Variants in NOS1 observed in about 807,000 individuals in gnomAD.
NOS1 encodes the protein NOS type I.
A neutral mutation model predicts 164.5 loss-of-function variants in NOS1; 51 were observed. The ratio of observed to expected loss-of-function variants is 0.31; its 90% CI spans 0.25 to 0.39. The LOEUF (loss-of-function observed/expected upper bound fraction) is 0.39, where lower values mean the gene tolerates loss of function less well. Among genes scored for constraint, NOS1 ranks in the 10% least tolerant of loss-of-function variants. The probability of loss-of-function intolerance (pLI) is 1.00; values close to 1 mark genes in which losing one functional copy is unlikely to be tolerated. For synonymous variants in NOS1, 719 were observed against 745.8 expected (o/e 0.96, Z 0.59); for missense variants, 1,362 against 1,885.6 (o/e 0.72, Z 5.14).
chr12:117,253,729 C>A lies in NOS1; in HGVS notation c.2557G>T (p.Val853Phe), dbSNP rs1351531249. ...TTTTGGGAGTCAGAGTAGGAGGAGA[C>A]GCTGTTGAATCGGACCTTGTAGCTC... ...RKSYKVRFNS[V>F]SSYSDSQKSS... The change falls in exon 17 of 29, where the codon GTC (valine) becomes TTC (phenylalanine). Residue 853 changes from valine (V) to phenylalanine (F), a missense_variant. Physicochemically the swap from Val to Phe is conservative, Grantham distance 50 (BLOSUM62 -1). Around this residue, in one of 4 missense-constraint regions of NOS1, gnomAD observed 737 missense variants for 1,030.3 expected, o/e 0.72. Transcript: ENST00000317775. 6.2e-7 allele frequency: 1 copy of A among 1,614,012 alleles called. No homozygotes were observed. The highest frequency in any genetic ancestry group is 8.5e-7 in the Non-Finnish European group (1 of 1,179,958).
rs1261986889 is a variant in NOS1 at position 117,209,711 on chromosome 12, A to G, written c.*5598T>C. On this transcript the variant is annotated 3_prime_UTR_variant, in exon 29 of 29. Coordinates refer to ENST00000317775, the MANE Select transcript of NOS1 (RefSeq NM_000620.5). ...AATAGGAAACAGACTCTCGACAGAC[A>G]CTGCTTTCCACGGGTGAAAGTGTAC... The G allele has an allele frequency of 2.0e-6, 2 of 985,494 alleles. No individual in the cohort carries two copies. Among genetic ancestry groups the G allele is most frequent in the African/African-American group, 3.5e-5 (2 of 57,382 alleles). The allele number at this position is 985,494 out of a possible 1,614,324, so 61.0% of individuals were successfully genotyped here.
chr12:117,326,385 CAAAAAAAAAA>C (rs746345561), intron 2 of NOS1, among the ~76,000 whole-genome samples: 110 of 25,908 alleles, frequency 4.2e-3, no homozygotes, highest in African/African-American at 0.023. Context: ...GACTCTGTCT[CAAAAAAAAAA>C]AAAAAACAAA....
At chr12:117,327,384 A>T (rs1520810) in intron 2 of NOS1, among the ~76,000 whole-genome samples, 113,876 of 152,068 alleles carry the variant, frequency 0.75, 43,388 homozygotes, top group South Asian at 0.82. Context: ...TCCGTTCTGG[A>T]TCCTACAGCT....
chr12:117,292,787 G>A (rs1354618423), intron 3 of NOS1, among the ~76,000 whole-genome samples: 2 of 152,170 alleles, frequency 1.3e-5, no homozygotes, highest in African/African-American at 4.8e-5. Flanking sequence ...CTATGTGCCA[G>A]GTGAGGCAGC....
chr12:117,243,479 G>C lies in NOS1; in HGVS notation c.2824-44C>G. On this transcript the variant is annotated intron_variant, in intron 18 of 28. Transcript: ENST00000317775. This position sits in a 1 kb window ranked among gnomAD's most constrained non-coding sequence, Gnocchi z 4.3. ...TTTCAGTGACCTCTTTCAGCCAAGC[G>C]GATCTCCTCTCCAACAGCTCCAAGT... 2 of 1,605,810 alleles carry C rather than the reference G, an allele frequency of 1.2e-6. No individual in the cohort carries two copies. Among genetic ancestry groups the C allele is most frequent in the Non-Finnish European group, 1.7e-6 (2 of 1,175,278 alleles).
At chr12:117,344,631 T>C (rs1238249613) in intron 1 of NOS1, among the ~76,000 whole-genome samples, 1 of 152,250 alleles carries the variant, frequency 6.6e-6, no homozygotes, top group Admixed American at 6.5e-5. Context: ...AGTACTGCTA[T>C]ATATTTTTAG....
chr12:117,229,562 T>TCCTA (rs71444611), intron 22 of NOS1, among the ~76,000 whole-genome samples: 2 of 149,284 alleles, frequency 1.3e-5, no homozygotes, highest in African/African-American at 5.0e-5. Flanking sequence ...TATCAAATTC[T>TCCTA]TCTATCTATC....
intron 3 of NOS1, among the ~76,000 whole-genome samples, chr12:117,305,697 A>G (rs530877917): frequency 6.6e-6 from 1 of 151,972 alleles, no homozygotes; most frequent in South Asian, 2.1e-4. Context: ...TCTGAGCGCT[A>G]GGGTCTCTGC....
chr12:117,259,900 A>C (rs1871750096), intron 14 of NOS1, among the ~76,000 whole-genome samples: 1 of 151,964 alleles, frequency 6.6e-6, no homozygotes, highest in African/African-American at 2.4e-5. Context: ...CGGGCGAATC[A>C]AGAGGTCAGG....
At position 117,209,292 on chromosome 12, in the gene NOS1, A is replaced by T; in HGVS notation, c.*6017T>A. Reference sequence around the variant, plus strand: ...GTTACCGTTGGCAGGACACTGCTACAGGTATCTTGTGGATGGAGGCCAGGA... The same window carrying T: ...GTTACCGTTGGCAGGACACTGCTACTGGTATCTTGTGGATGGAGGCCAGGA... On this transcript the variant is annotated 3_prime_UTR_variant, in exon 29 of 29. Transcript: ENST00000317775. The T allele has an allele frequency of 1.0e-6, 1 of 957,920 alleles. No individual in the cohort carries two copies. The highest frequency in any genetic ancestry group is 1.2e-6 in the Non-Finnish European group (1 of 804,840). The allele number at this position is 957,920 out of a possible 1,614,324, so 59.3% of individuals were successfully genotyped here.
At chr12:117,291,370 T>C (rs531570166) in intron 3 of NOS1, among the ~76,000 whole-genome samples, 5 of 152,182 alleles carry the variant, frequency 3.3e-5, no homozygotes, top group South Asian at 2.1e-4. Context: ...AACACCTACA[T>C]GGAAAGAAAC....
chr12:117,247,286 T>A (rs1870691880), intron 18 of NOS1, 62 bp downstream of exon 18: 1 of 1,339,806 alleles, frequency 7.5e-7, no homozygotes, highest in Non-Finnish European at 1.0e-6. Flanking sequence ...ATGGTTTAGG[T>A]GCTGTCTTTG....
chr12:117,219,298 GTTTTGTTTT>G (rs895270819), intron 27 of NOS1, among the ~76,000 whole-genome samples: 9 of 148,472 alleles, frequency 6.1e-5, no homozygotes, highest in African/African-American at 1.8e-4. Flanking sequence ...GTTTTGTTTT[GTTTTGTTTT>G]TTTTGTTTTT....
At chr12:117,267,124 C>T (rs1291593367) in intron 11 of NOS1, among the ~76,000 whole-genome samples, 3 of 152,218 alleles carry the variant, frequency 2.0e-5, no homozygotes, top group South Asian at 2.1e-4. Flanking sequence ...GTGCCTCTCA[C>T]GTGCATCTAC....
chr12:117,258,730 G>A (rs1031655190), intron 15 of NOS1, among the ~76,000 whole-genome samples: 2 of 152,110 alleles, frequency 1.3e-5, no homozygotes, highest in Admixed American at 6.5e-5. Context: ...TTGTCCCCAT[G>A]TTCCTCATCT....
intron 19 of NOS1, 39 bp from the exon 20 acceptor site, chr12:117,242,744 T>G (rs1870290597): frequency 6.3e-6 from 10 of 1,588,046 alleles, no homozygotes; most frequent in Non-Finnish European, 8.6e-6. Flanking sequence ...GAGAAGGGGT[T>G]GAATGTTCCA....
Position 117,272,468 on chromosome 12 carries a change from C to T in NOS1, c.1756G>A (p.Ala586Thr), listed in dbSNP as rs1253013686. 1.9e-6 allele frequency: 3 copies of T among 1,614,152 alleles called. No homozygotes were observed. Among genetic ancestry groups the T allele is most frequent in the Non-Finnish European group, 1.7e-6 (2 of 1,180,026 alleles). Residue 586 changes from alanine (A) to threonine (T), a missense_variant, in exon 10 of 29, where the codon GCC (alanine) becomes ACC (threonine). Ala to Thr is a moderately conservative substitution (Grantham distance 58, BLOSUM62 0). Around this residue, in one of 4 missense-constraint regions of NOS1, gnomAD observed 134 missense variants for 267.3 expected, o/e 0.50. Transcript: ENST00000317775. The surrounding 1 kb of genome is among the most constrained non-coding windows in gnomAD (Gnocchi z 4.3). Reference protein sequence around the residue: ...LLEIGGLEFSACPFSGWYMGT... With the variant: ...LLEIGGLEFSTCPFSGWYMGT... Reference sequence around the variant, plus strand: ...ATGTACCAGCCACTGAAGGGACAGGCGCTGAACTCCAGGCCGCCAATCTCT... The same window carrying T: ...ATGTACCAGCCACTGAAGGGACAGGTGCTGAACTCCAGGCCGCCAATCTCT...
chr12:117,228,345 C>G (rs1205391659), intron 22 of NOS1, among the ~76,000 whole-genome samples: 1 of 152,132 alleles, frequency 6.6e-6, no homozygotes, highest in African/African-American at 2.4e-5. Flanking sequence ...AATCTGTGTT[C>G]CTAGTCACTA....
At position 117,212,824 on chromosome 12, in the gene NOS1, G is replaced by A. The variant is rs1201206101; in HGVS notation, c.*2485C>T. ...GCCTAACAATCTGGACTCCACTCTG[G>A]TCCTTGAGAGGTTACTCAACAGAGA... is the stretch of plus-strand genomic sequence containing the variant. On this transcript the variant is annotated 3_prime_UTR_variant, in exon 29 of 29. Coordinates refer to ENST00000317775, the MANE Select transcript of NOS1 (RefSeq NM_000620.5). The A allele has an allele frequency of 1.5e-5, 15 of 985,284 alleles. No homozygotes were observed. Among genetic ancestry groups the A allele is most frequent in the Middle Eastern group, 5.2e-4 (1 of 1,936 alleles). 61.0% of individuals were successfully genotyped at this position (985,284 alleles called of 1,614,324 possible).
Sources: allele counts gnomAD v4.1 joint callset (sites outside exome capture counted in the v4.1 genomes callset), GRCh38; gene constraint gnomAD v4.1.1; regional missense constraint gnomAD v4.1.1; non-coding constraint Gnocchi (gnomAD v3.1); transcripts MANE v1.5; gene names NCBI Gene and HGNC (gene_info 2026-07-23, HGNC 2026-07-21).